Variants in ZSCAN20 observed in about 807,000 individuals in gnomAD.
ZSCAN20 encodes the protein zinc finger and SCAN domain-containing protein 20.
ZSCAN20 carries 39 observed loss-of-function variants against 97.1 expected under a neutral mutation model. The ratio of observed to expected loss-of-function variants is 0.40; its 90% confidence interval spans 0.31 to 0.52. ZSCAN20 has a LOEUF of 0.52. ZSCAN20 is among the 20% of genes least tolerant of loss of function. ZSCAN20 has a pLI of 0.49. For synonymous variants in ZSCAN20, 456 were observed against 467.3 expected (o/e 0.98, Z 0.31); for missense variants, 1,115 against 1,290.4 (o/e 0.86, Z 2.08).
At chr1:33,485,349 A>T (rs1652319859) in intron 2 of ZSCAN20, among the ~76,000 whole-genome samples, 1 of 152,122 alleles carries the variant, frequency 6.6e-6, no homozygotes, top group Non-Finnish European at 1.5e-5. Context: ...TTCAGTGTCT[A>T]TGGGATCTGT....
intron 1 of ZSCAN20, among the ~76,000 whole-genome samples, chr1:33,477,834 A>T (rs1309670654): frequency 6.6e-6 from 1 of 151,820 alleles, no homozygotes; most frequent in Non-Finnish European, 1.5e-5. Context: ...GTAAAGCATG[A>T]TCTGGGCTAT....
rs951299301 is a variant in ZSCAN20, at chr1:33,491,549, G to A, written c.1291G>A (p.Gly431Arg). ...AGAGGCCGTGGCACTTCCCAGGCTC[G>A]GGTATAGTGACGCAGAGATGGATGA... ...PGEAVALPRL[G>R]YSDAEMDEQE... Residue 431 changes from glycine (G) to arginine (R), a missense_variant, in exon 6 of 8, where the codon GGG becomes AGG. This residue lies in a region of ZSCAN20 where 508 missense variants were observed against 611.2 expected (regional missense o/e 0.83). Transcript: ENST00000684572. This position sits in a 1 kb window ranked among gnomAD's most constrained non-coding sequence, Gnocchi z 4.3. The A allele has an allele frequency of 8.7e-6, 14 of 1,613,980 alleles. No individual in the cohort carries two copies. Among genetic ancestry groups the A allele is most frequent in the Non-Finnish European group, 1.1e-5 (13 of 1,179,990 alleles).
In ZSCAN20 at chr1:33,479,249, T is replaced by G. The variant is rs766906012; in HGVS notation, c.-40T>G. 4.5e-6 allele frequency: 7 copies of G among 1,540,028 alleles called. No individual in the cohort carries two copies. The highest frequency in any genetic ancestry group is 4.4e-6 in the Non-Finnish European group (5 of 1,142,160). On this transcript the variant is annotated 5_prime_UTR_variant, in exon 2 of 8. An upstream start codon of the reference 5' UTR is lost. Transcript: ENST00000684572. ...ACCGTAGATGCAGGAAGACATTGGA[T>G]GAGGTCAGCATAGCTGAAGTGAGGT...
At position 33,498,348 on chromosome 1, in the gene ZSCAN20, C is replaced by T. The variant is rs1174205098; in HGVS notation, c.*2872C>T. Among the ~76,000 whole-genome samples the T allele has an allele frequency of 1.3e-5, 2 of 152,194 alleles. No homozygotes were observed. The highest frequency in any genetic ancestry group is 4.8e-5 in the African/African-American group (2 of 41,442). Reference sequence around the variant, plus strand: ...TGTTTATTATCTGCCATTCTTGTCTCATGAATCTTAATAGAGGTTCAGTCA... The same window carrying T: ...TGTTTATTATCTGCCATTCTTGTCTTATGAATCTTAATAGAGGTTCAGTCA... On this transcript the variant is annotated 3_prime_UTR_variant, in exon 8 of 8. Coordinates refer to ENST00000684572, the MANE Select transcript of ZSCAN20 (RefSeq NM_001377376.1).
intron 2 of ZSCAN20, among the ~76,000 whole-genome samples, chr1:33,486,652 A>C (rs1652378607): frequency 6.6e-6 from 1 of 152,226 alleles, no homozygotes; most frequent in South Asian, 2.1e-4. Flanking sequence ...ATGGAATCAG[A>C]ATCTTTGCTT....
rs1288724801 is a variant in ZSCAN20 at position 33,496,946 on chromosome 1, G to A, written c.*1470G>A. Among the ~76,000 whole-genome samples the A allele has an allele frequency of 6.6e-6, 1 of 152,228 alleles. No individual in the cohort carries two copies. The highest frequency in any genetic ancestry group is 1.5e-5 in the Non-Finnish European group (1 of 68,038). ...CATTTGCAGCACTTTGGCCTCCAGAGTTTCTCCTTAGAAGGGTTTAAAACT... is the reference window on the plus strand; with the variant it reads ...CATTTGCAGCACTTTGGCCTCCAGAATTTCTCCTTAGAAGGGTTTAAAACT... On this transcript the variant is annotated 3_prime_UTR_variant, in exon 8 of 8. Transcript: ENST00000684572.
chr1:33,480,187 T>A (rs1268919612), intron 2 of ZSCAN20, among the ~76,000 whole-genome samples: 1 of 152,190 alleles, frequency 6.6e-6, no homozygotes, highest in Non-Finnish European at 1.5e-5. Flanking sequence ...AATAGTACTG[T>A]TGTCCCCATT....
rs1461777013 is a variant in ZSCAN20, at chr1:33,501,384, GA to G, written c.*5911del. Among the ~76,000 whole-genome samples, 1 of 152,186 alleles carries G rather than the reference GA, an allele frequency of 6.6e-6. No homozygotes were observed. Among genetic ancestry groups the G allele is most frequent in the Non-Finnish European group, 1.5e-5 (1 of 68,032 alleles). The stretch of plus-strand genomic sequence containing the variant: ...ATTTTAATTCCCTCTTAGGGACTGT[GA>G]AATTAAAATGGATTAAATTTTGTCC... On this transcript the variant is annotated 3_prime_UTR_variant, in exon 8 of 8. Coordinates refer to ENST00000684572, the MANE Select transcript of ZSCAN20 (RefSeq NM_001377376.1).
rs561438017 is a variant in ZSCAN20, at chr1:33,500,873, T to G, written c.*5397T>G. ...GAGTTGTGACTACTAGAATCTCGAG[T>G]CACTGGGGCTCAGGGAGCCCTAACT... On this transcript the variant is annotated 3_prime_UTR_variant, in exon 8 of 8. Coordinates refer to ENST00000684572, the MANE Select transcript of ZSCAN20 (RefSeq NM_001377376.1). Among the ~76,000 whole-genome samples the G allele has an allele frequency of 1.3e-5, 2 of 151,410 alleles. No individual in the cohort carries two copies. Among genetic ancestry groups the G allele is most frequent in the Admixed American group, 1.3e-4 (2 of 15,210 alleles).
chr1:33,492,909 G>C (rs942059977), intron 6 of ZSCAN20, among the ~76,000 whole-genome samples: 2 of 152,038 alleles, frequency 1.3e-5, no homozygotes, highest in Non-Finnish European at 2.9e-5. Flanking sequence ...AGGCACATGG[G>C]ATCACCTGAT....
At position 33,491,389 on chromosome 1, in the gene ZSCAN20, C is replaced by T. The variant is rs761584101; in HGVS notation, c.1131C>T (p.Arg377=). 1 of 1,614,176 alleles carries T rather than the reference C, an allele frequency of 6.2e-7. No individual in the cohort carries two copies. ...TCCTGCGGACACTGGAGCAATGTCG[C>T]TATAGGGTCAAAAACCTCCTACGGA... The part of the protein sequence containing the change: ...RGFLRTLEQC[R]YRVKNLLRNY... Residue 377 remains arginine (R), a synonymous_variant, in exon 6 of 8, where the codon CGC becomes CGT. Coordinates refer to ENST00000684572, the MANE Select transcript of ZSCAN20 (RefSeq NM_001377376.1). This position sits in a 1 kb window ranked among gnomAD's most constrained non-coding sequence, Gnocchi z 4.3.
At chr1:33,485,678 G>C (rs1408704904) in intron 2 of ZSCAN20, among the ~76,000 whole-genome samples, 1 of 152,044 alleles carries the variant, frequency 6.6e-6, no homozygotes, top group Admixed American at 6.6e-5. Context: ...CTTCCAGAGT[G>C]CTGGGGTTAC....
In ZSCAN20 at chr1:33,493,414, A is replaced by G; in HGVS notation, c.1672A>G (p.Thr558Ala). The change falls in exon 7 of 8, where the codon ACA (threonine) becomes GCA (alanine). Residue 558 changes from threonine to alanine, a missense_variant. Physicochemically the swap from Thr to Ala is moderately conservative, Grantham distance 58. Coordinates refer to ENST00000684572, the MANE Select transcript of ZSCAN20 (RefSeq NM_001377376.1). The surrounding 1 kb of genome is among the most constrained non-coding windows in gnomAD (Gnocchi z 4.3). ...RKAKSSHPPG[T>A]CPFYEELDSL... Reference sequence around the variant, plus strand: ...AGCCAAGAGCAGCCACCCACCAGGGACATGCCCTTTCTATGAGGAACTGGA... The same window carrying G: ...AGCCAAGAGCAGCCACCCACCAGGGGCATGCCCTTTCTATGAGGAACTGGA... The G allele has an allele frequency of 1.2e-6, 2 of 1,614,204 alleles. No homozygotes were observed. Among genetic ancestry groups the G allele is most frequent in the Non-Finnish European group, 1.7e-6 (2 of 1,180,032 alleles).
rs764831124 is a variant in ZSCAN20 at position 33,479,609 on chromosome 1, C to G, written c.321C>G (p.Val107=). 1.5e-5 allele frequency: 25 copies of G among 1,613,334 alleles called. No individual in the cohort carries two copies. Among genetic ancestry groups the G allele is most frequent in the Non-Finnish European group, 2.1e-5 (25 of 1,179,662 alleles). The change falls in exon 2 of 8, where the codon GTC becomes GTG. Residue 107 remains valine (V), a synonymous_variant. Transcript: ENST00000684572. ...EQFLTILPRE[V]QTWVQARHPE... is the part of the protein sequence containing the mutation. ...TCCTGACTATCTTGCCTAGGGAGGT[C>G]CAGACCTGGGTGCAGGCACGCCACC...
chr1:33,489,163 G>T lies in ZSCAN20; in HGVS notation c.653G>T (p.Gly218Val), dbSNP rs1489271306. ...ACTCTCCCAAAGATGGGGAGCGTTG[G>T]AGATTGGGAGGTGACAGCTGAGTCC... ...VPTLPKMGSV[G>V]DWEVTAESQE... Residue 218 changes from glycine to valine, a missense_variant, in exon 4 of 8, where the codon GGA becomes GTA. Physicochemically the swap from Gly to Val is moderately radical, Grantham distance 109. Transcript: ENST00000684572. 30 of 1,613,792 alleles carry T rather than the reference G, an allele frequency of 1.9e-5. No individual in the cohort carries two copies. The highest frequency in any genetic ancestry group is 2.5e-5 in the Non-Finnish European group (30 of 1,179,886).
At chr1:33,475,618 A>G (rs1393021126) in intron 1 of ZSCAN20, among the ~76,000 whole-genome samples, 1 of 152,076 alleles carries the variant, frequency 6.6e-6, no homozygotes, top group East Asian at 1.9e-4. Context: ...AGTGAACGCA[A>G]CTGGCTGCAC....
At chr1:33,494,154 CACAA>C (rs1652739411) in intron 7 of ZSCAN20, 60 bp from the exon 8 acceptor site, 4 of 1,440,948 alleles carry the variant, frequency 2.8e-6, no homozygotes, top group East Asian at 2.3e-5. Flanking sequence ...TACAGACACA[CACAA>C]ACACACACAC....
At chr1:33,486,411 T>C (rs1307394391) in intron 2 of ZSCAN20, among the ~76,000 whole-genome samples, 1 of 152,218 alleles carries the variant, frequency 6.6e-6, no homozygotes, top group Non-Finnish European at 1.5e-5. Flanking sequence ...TCTACCTGTT[T>C]GTCTCTCCAA....
Position 33,491,975 on chromosome 1 carries a change from T to A in ZSCAN20, c.1444+273T>A. 1 of 338,770 alleles carries A rather than the reference T, an allele frequency of 3.0e-6. No homozygotes were observed. Among genetic ancestry groups the A allele is most frequent in the Non-Finnish European group, 5.3e-6 (1 of 187,484 alleles). The allele number at this position is 338,770 out of a possible 1,614,324, so 21.0% of individuals were successfully genotyped here. On this transcript the variant is annotated intron_variant, in intron 6 of 7. Transcript: ENST00000684572. The surrounding 1 kb of genome is among the most constrained non-coding windows in gnomAD (Gnocchi z 4.3). Reference sequence around the variant, plus strand: ...ATTTCCAAAAGTGTGTCACTGGTAGTATGGGATGATCATCGACGTTACATG... The same window carrying A: ...ATTTCCAAAAGTGTGTCACTGGTAGAATGGGATGATCATCGACGTTACATG...
Sources: allele counts gnomAD v4.1 joint callset (sites outside exome capture counted in the v4.1 genomes callset), GRCh38; gene constraint gnomAD v4.1.1; regional missense constraint gnomAD v4.1.1; non-coding constraint Gnocchi (gnomAD v3.1); transcripts MANE v1.5; gene names NCBI Gene and HGNC (gene_info 2026-07-23, HGNC 2026-07-21).